WDR47: variants seen among roughly 807,000 people sequenced by gnomAD.
The protein encoded by WDR47 is WD repeat domain 47, also known as WD repeat-containing protein 47.
In WDR47, 32 loss-of-function variants were observed where a neutral mutation model predicts 97.2. The observed-to-expected ratio is 0.33, with a 90% CI of 0.25 to 0.44. The LOEUF is 0.44. WDR47 is among the 20% of genes least tolerant of loss of function. The probability of loss-of-function intolerance (pLI) is 1.00; values close to 1 mark genes in which losing one functional copy is unlikely to be tolerated. For missense variants in WDR47, 782 were observed against 1,102.3 expected, an observed-to-expected ratio of 0.71 and a Z score of 4.11; for synonymous variants, 375 against 373.5, an observed-to-expected ratio of 1.00 and a Z score of -0.05.
At position 109,025,728 on chromosome 1, in the gene WDR47, C is replaced by G. The variant is rs558601376; in HGVS notation, c.-9-2207G>C. 4.6e-5 allele frequency among the ~76,000 whole-genome samples: 7 copies of G among 151,960 alleles called. No individual in the cohort carries two copies. In the East Asian group the frequency reaches 1.4e-3, roughly 29 times the overall value. On this transcript the variant is annotated intron_variant, in intron 1 of 14. Coordinates refer to ENST00000369962, the MANE Select transcript of WDR47 (RefSeq NM_001142551.2). ...CAGCCTGGGCAATAGAGCCAGACTC[C>G]ATCTCGGAAAAAGAAAAAAAAACTA...
At chr1:109,007,831 C>T (rs1010252132) in intron 5 of WDR47, among the ~76,000 whole-genome samples, 20 of 152,166 alleles carry the variant, frequency 1.3e-4, no homozygotes, top group Admixed American at 1.3e-3. Flanking sequence ...AGGCTGGGTG[C>T]AGTGGCTCAT....
At chr1:109,013,011 A>G (rs1661160952) in intron 4 of WDR47, among the ~76,000 whole-genome samples, 2 of 152,142 alleles carry the variant, frequency 1.3e-5, no homozygotes, top group African/African-American at 4.8e-5. Context: ...AGGTAATGGT[A>G]TTGGAAAAGT....
At chr1:109,007,956 G>T (rs1243834043) in intron 5 of WDR47, among the ~76,000 whole-genome samples, 2 of 151,928 alleles carry the variant, frequency 1.3e-5, no homozygotes, top group African/African-American at 4.8e-5. Context: ...ACAAAAATTA[G>T]CCAGGCACAG....
At chr1:109,032,983 C>T (rs1317674785) in intron 1 of WDR47, among the ~76,000 whole-genome samples, 1 of 151,842 alleles carries the variant, frequency 6.6e-6, no homozygotes, top group African/African-American at 2.4e-5. Flanking sequence ...CAAAGTAGGA[C>T]TAAGTAAAAC....
Position 109,013,786 on chromosome 1 carries a change from T to C in WDR47, c.327+55A>G, listed in dbSNP as rs373559527. ...TAATCCTTCGTTTTAGTGACTAAAATACTTATGACTGAAAACAAGACTAGG... is the reference window on the plus strand; with the variant it reads ...TAATCCTTCGTTTTAGTGACTAAAACACTTATGACTGAAAACAAGACTAGG... On this transcript the variant is annotated intron_variant, in intron 4 of 14. Coordinates refer to ENST00000369962, the MANE Select transcript of WDR47 (RefSeq NM_001142551.2). 90 of 1,575,860 alleles carry C rather than the reference T, an allele frequency of 5.7e-5. 1 individual carries two copies. The South Asian group carries it at 8.4e-4, about 15-fold the overall frequency.
At chr1:108,982,568 G>T in intron 12 of WDR47, 41 bp downstream of exon 12, 1 of 1,548,178 alleles carries the variant, frequency 6.5e-7, no homozygotes, top group South Asian at 1.3e-5. Context: ...AGCACAGATT[G>T]AACAAAAAGA....
At chr1:109,008,959 C>T (rs1203983713) in intron 5 of WDR47, among the ~76,000 whole-genome samples, 2 of 152,114 alleles carry the variant, frequency 1.3e-5, no homozygotes, top group Admixed American at 1.3e-4. Flanking sequence ...GTGGCGCACG[C>T]CTGTAATCCC....
intron 1 of WDR47, among the ~76,000 whole-genome samples, chr1:109,033,848 G>A (rs1043166944): frequency 6.6e-6 from 1 of 152,216 alleles, no homozygotes; most frequent in African/African-American, 2.4e-5. Context: ...GAACCAGGGA[G>A]TCGGAGGTTG....
chr1:109,019,213 T>A (rs1033924846), intron 2 of WDR47, among the ~76,000 whole-genome samples: 16 of 151,564 alleles, frequency 1.1e-4, no homozygotes, highest in African/African-American at 3.9e-4. Context: ...CGAAACACCA[T>A]CTCTACTAAA....
chr1:109,004,503 T>A, intron 6 of WDR47, 89 bp downstream of exon 6: 2 of 1,418,714 alleles, frequency 1.4e-6, no homozygotes, highest in Non-Finnish European at 1.9e-6. Flanking sequence ...CTCCCAAATA[T>A]CAGAAAATTC....
chr1:109,037,328 T>TAA (rs67766358), intron 1 of WDR47, among the ~76,000 whole-genome samples: 60 of 117,028 alleles, frequency 5.1e-4, no homozygotes, highest in Non-Finnish European at 6.9e-4. Flanking sequence ...AAACTCCGTC[T>TAA]AAAAAAAAAA....
intron 1 of WDR47, among the ~76,000 whole-genome samples, chr1:109,026,184 T>C (rs1213397810): frequency 6.6e-6 from 1 of 152,038 alleles, no homozygotes; most frequent in Admixed American, 6.6e-5. Flanking sequence ...GTACCTGGGA[T>C]GACAGGTGTG....
intron 1 of WDR47, among the ~76,000 whole-genome samples, chr1:109,029,852 G>A (rs1376783531): frequency 6.7e-6 from 1 of 149,416 alleles, no homozygotes; most frequent in African/African-American, 2.5e-5. Flanking sequence ...CTCCAGCCTG[G>A]GCAACAGAGA....
At chr1:108,992,916 T>C in intron 8 of WDR47, 2 of 1,007,168 alleles carry the variant, frequency 2.0e-6, no homozygotes, top group East Asian at 2.5e-5. Flanking sequence ...AATTGCTAAA[T>C]AATATTTTTT....
At chr1:109,000,338 G>A (rs1311037394) in intron 7 of WDR47, among the ~76,000 whole-genome samples, 3 of 151,384 alleles carry the variant, frequency 2.0e-5, no homozygotes, top group African/African-American at 4.9e-5. Context: ...GTGAAATCCC[G>A]CCTCCACTAA....
chr1:109,010,821 A>T (rs1660986951), intron 5 of WDR47, 95 bp downstream of exon 5: 1 of 1,210,420 alleles, frequency 8.3e-7, no homozygotes, highest in South Asian at 1.5e-5. Flanking sequence ...TGACCTTGTG[A>T]TCCACCCACC....
At chr1:108,985,028 C>G (rs1413981702) in intron 10 of WDR47, among the ~76,000 whole-genome samples, 1 of 152,192 alleles carries the variant, frequency 6.6e-6, no homozygotes, top group African/African-American at 2.4e-5. Flanking sequence ...CTTTGCTCCA[C>G]CTCCACTGCC....
chr1:108,986,723 A>G, intron 9 of WDR47, 43 bp from the exon 10 acceptor site: 1 of 1,433,060 alleles, frequency 7.0e-7, no homozygotes, highest in Non-Finnish European at 9.4e-7. Flanking sequence ...AAAAAAATGA[A>G]TTTGAAAGAA....
intron 1 of WDR47, among the ~76,000 whole-genome samples, chr1:109,026,381 T>C (rs1662220878): frequency 6.6e-6 from 1 of 151,098 alleles, no homozygotes; most frequent in African/African-American, 2.4e-5. Flanking sequence ...CCGTGGAAAC[T>C]ACTCATTAAA....
Sources: allele counts gnomAD v4.1 joint callset (sites outside exome capture counted in the v4.1 genomes callset), GRCh38; gene constraint gnomAD v4.1.1; transcripts MANE v1.5; gene names NCBI Gene and HGNC (gene_info 2026-07-23, HGNC 2026-07-21).